TRPC5: variants seen among roughly 807,000 people sequenced by gnomAD.
The protein encoded by TRPC5 is transient receptor potential cation channel subfamily C member 5.
In TRPC5, 9 loss-of-function variants were observed where a neutral mutation model predicts 56.5. The ratio of observed to expected loss-of-function variants is 0.16; its 90% confidence interval spans 0.10 to 0.28. TRPC5 has a LOEUF of 0.28. Among genes scored for constraint, TRPC5 ranks in the 10% least tolerant of loss-of-function variants. The pLI is 1.00. For missense variants in TRPC5, 469 were observed against 748.9 expected (o/e 0.63, Z 4.36); for synonymous variants, 282 against 278.5 (o/e 1.01, Z -0.13).
At chrX:111,994,477 T>C (rs1054120862) in intron 1 of TRPC5, among the ~76,000 whole-genome samples, 1 of 111,755 alleles carries the variant, frequency 8.9e-6, no homozygotes, top group African/African-American at 3.2e-5. Flanking sequence ...GCATTGAATC[T>C]ATAAATTACT....
chrX:111,864,618 G>A (rs1923496719), intron 3 of TRPC5, among the ~76,000 whole-genome samples: 1 of 111,932 alleles, frequency 8.9e-6, no homozygotes, highest in Non-Finnish European at 1.9e-5. Context: ...ATGGTTCCAA[G>A]GCTGTTGGTT....
rs1436914302 is a variant in TRPC5, at chrX:111,960,943, T to C, written c.-21-8502A>G. On this transcript the variant is annotated intron_variant, in intron 1 of 10. Transcript: ENST00000262839. ...TCTTCTGCCTCAACCTCCCGAGTAGTTGGGACTACAGGCATGCACTACTAT... is the reference window on the plus strand; with the variant it reads ...TCTTCTGCCTCAACCTCCCGAGTAGCTGGGACTACAGGCATGCACTACTAT... Among the ~76,000 whole-genome samples, 4 of 110,748 alleles carry C rather than the reference T, an allele frequency of 3.6e-5. No individual in the cohort carries two copies. In the East Asian group the frequency reaches 1.1e-3, roughly 31 times the overall value.
chrX:111,872,683 C>G (rs917811886), intron 3 of TRPC5, among the ~76,000 whole-genome samples: 1 of 110,740 alleles, frequency 9.0e-6, no homozygotes, highest in Non-Finnish European at 1.9e-5. Context: ...AAGCAAAAAG[C>G]TTACCTTCAG....
intron 1 of TRPC5, among the ~76,000 whole-genome samples, chrX:112,050,684 C>T (rs1361407937): frequency 8.9e-6 from 1 of 112,149 alleles, no homozygotes; most frequent in Non-Finnish European, 1.9e-5. Flanking sequence ...TTTAGTTTTT[C>T]CTACTCTGCT....
chrX:112,040,932 A>G (rs753814134), intron 1 of TRPC5, among the ~76,000 whole-genome samples: 1 of 112,166 alleles, frequency 8.9e-6, no homozygotes, highest in African/African-American at 3.2e-5. Context: ...TAAAGACAAC[A>G]TTATCACATT....
intron 7 of TRPC5, among the ~76,000 whole-genome samples, chrX:111,816,769 T>C (rs1301586483): frequency 9.0e-6 from 1 of 111,438 alleles, no homozygotes; most frequent in Non-Finnish European, 1.9e-5. Flanking sequence ...TGTAGCTCTT[T>C]CCTGGTAGAT....
chrX:111,828,584 G>A (rs1922307822), intron 7 of TRPC5, among the ~76,000 whole-genome samples: 1 of 111,784 alleles, frequency 8.9e-6, no homozygotes, highest in South Asian at 3.9e-4. Flanking sequence ...TTCATACCGA[G>A]AGTGGGGCAC....
At chrX:111,994,836 A>T (rs1928475073) in intron 1 of TRPC5, among the ~76,000 whole-genome samples, 1 of 112,177 alleles carries the variant, frequency 8.9e-6, no homozygotes, top group African/African-American at 3.2e-5. Flanking sequence ...ATATACAATC[A>T]TGTCATCTCC....
At position 112,023,234 on chromosome X, in the gene TRPC5, G is replaced by GT. The variant is rs749260030; in HGVS notation, c.-22+58644dup. Among the ~76,000 whole-genome samples, 180 of 45,823 alleles carry GT rather than the reference G, an allele frequency of 3.9e-3. 1 individual carries two copies. The highest frequency in any genetic ancestry group is 8.9e-3 in the African/African-American group (111 of 12,428). 39.8% of individuals were successfully genotyped at this position (45,823 alleles called of 115,157 possible). Reference sequence around the variant, plus strand: ...CAGGCGTGAGCCACTGCGCCCAGCAGTTTTTTTTTTTGTTTTTTTTTTTTT... The same window carrying GT: ...CAGGCGTGAGCCACTGCGCCCAGCAGTTTTTTTTTTTTGTTTTTTTTTTTTT... On this transcript the variant is annotated intron_variant, in intron 1 of 10. Coordinates refer to ENST00000262839, the MANE Select transcript of TRPC5 (RefSeq NM_012471.3).
At position 111,977,580 on chromosome X, in the gene TRPC5, C is replaced by T. The variant is rs147260269; in HGVS notation, c.-21-25139G>A. ...GTCTATAATTTTTAGGATGTAACTC[C>T]GAAAGCACAGACAACAAAAGCAAAA... On this transcript the variant is annotated intron_variant, in intron 1 of 10. Coordinates refer to ENST00000262839, the MANE Select transcript of TRPC5 (RefSeq NM_012471.3). Among the ~76,000 whole-genome samples the T allele has an allele frequency of 1.7e-3, 189 of 111,253 alleles. 1 individual carries two copies. The highest frequency in any genetic ancestry group is 5.1e-3 in the African/African-American group (157 of 30,691).
At chrX:111,798,403 G>A (rs748455726) in intron 7 of TRPC5, among the ~76,000 whole-genome samples, 8 of 111,977 alleles carry the variant, frequency 7.1e-5, no homozygotes, top group Non-Finnish European at 1.3e-4. Flanking sequence ...ATTGCATATT[G>A]CAGTAAAAAG....
At chrX:112,077,982 A>C (rs941793551) in intron 1 of TRPC5, among the ~76,000 whole-genome samples, 2 of 110,976 alleles carry the variant, frequency 1.8e-5, no homozygotes, top group Non-Finnish European at 3.8e-5. Flanking sequence ...GAGACTGAGT[A>C]TACTAAACCA....
intron 1 of TRPC5, among the ~76,000 whole-genome samples, chrX:112,041,187 G>T (rs758744708): frequency 3.6e-5 from 4 of 112,101 alleles, no homozygotes; most frequent in African/African-American, 1.3e-4. Context: ...GGAATTTGGG[G>T]GTGGCAGGCA....
intron 2 of TRPC5, among the ~76,000 whole-genome samples, chrX:111,936,126 A>G (rs1926565599): frequency 9.0e-6 from 1 of 111,579 alleles, no homozygotes; most frequent in South Asian, 3.7e-4. Context: ...CCTCTTCAGT[A>G]TCTTGCCTCA....
intron 1 of TRPC5, among the ~76,000 whole-genome samples, chrX:112,007,417 A>G (rs1255457210): frequency 9.0e-6 from 1 of 110,849 alleles, no homozygotes; most frequent in Non-Finnish European, 1.9e-5. Context: ...AGAGAGATTT[A>G]AGAGATTTTT....
intron 3 of TRPC5, among the ~76,000 whole-genome samples, chrX:111,874,217 CACCTAACAGATAATA>C (rs1393995706): frequency 8.9e-6 from 1 of 112,542 alleles, no homozygotes; most frequent in Non-Finnish European, 1.9e-5. Context: ...CTGAAGGGAA[CACCTAACAGATAATA>C]ACAAAATCAG....
At chrX:112,013,395 C>T in intron 1 of TRPC5, among the ~76,000 whole-genome samples, 1 of 111,838 alleles carries the variant, frequency 8.9e-6, no homozygotes, top group East Asian at 2.8e-4. Context: ...AGGTGATCTG[C>T]CTGCCTCGGC....
chrX:111,781,104 G>A (rs950380474), intron 9 of TRPC5, 61 bp downstream of exon 9: 1 of 1,088,367 alleles, frequency 9.2e-7, no homozygotes. Context: ...AGTGAAGTTT[G>A]CTTCTCCTCC....
chrX:112,017,324 T>C (rs1929155520), intron 1 of TRPC5, among the ~76,000 whole-genome samples: 1 of 111,175 alleles, frequency 9.0e-6, no homozygotes, highest in Admixed American at 9.6e-5. Flanking sequence ...CGATTATTAC[T>C]ACTTTTACAG....
Sources: gnomAD v4.1 joint callset for allele counts (sites outside exome capture counted in the v4.1 genomes callset) on GRCh38, gnomAD v4.1.1 for gene constraint, MANE v1.5 for transcripts, NCBI Gene and HGNC (gene_info 2026-07-23, HGNC 2026-07-21) for gene names.